Variants in SYT6 observed in about 807,000 individuals in gnomAD.
SYT6 encodes synaptotagmin 6.
A neutral mutation model predicts 38.4 loss-of-function variants in SYT6; 24 were observed. That is an observed-to-expected ratio of 0.62 (90% CI 0.45 to 0.88). SYT6 has a LOEUF of 0.88. Ranked by LOEUF, SYT6 falls within the 40% of genes least tolerant of loss-of-function variation. SYT6 has a pLI of 0.00. For synonymous variants in SYT6, 265 were observed against 241.9 expected (o/e 1.10, Z -0.89); for missense variants, 611 against 621.0 (o/e 0.98, Z 0.17).
At chr1:114,093,997 C>T (rs1050014904) in intron 6 of SYT6, among the ~76,000 whole-genome samples, 194 bp from the exon 7 acceptor site, 1 of 152,174 alleles carries the variant, frequency 6.6e-6, no homozygotes, top group African/African-American at 2.4e-5. Context: ...TCACTGGCTT[C>T]TTCCCTGAGT....
rs1465429739 is a variant in SYT6, at chr1:114,103,594, G to C, written c.1192+7C>G. 2.5e-6 allele frequency: 4 copies of C among 1,614,106 alleles called. No individual in the cohort carries two copies. Among genetic ancestry groups the C allele is most frequent in the Non-Finnish European group, 3.4e-6 (4 of 1,179,998 alleles). On this transcript the variant is annotated splice_region_variant and intron_variant, in intron 4 of 7. Coordinates refer to ENST00000610222, the MANE Select transcript of SYT6 (RefSeq NM_001253772.2). Reference sequence around the variant, plus strand: ...TGCTGGCAGGCCACTTGGGTTAAGAGAGGTACCTGAATAGCCTGTGATGTC... The same window carrying C: ...TGCTGGCAGGCCACTTGGGTTAAGACAGGTACCTGAATAGCCTGTGATGTC...
intron 1 of SYT6, among the ~76,000 whole-genome samples, chr1:114,149,001 G>A (rs1485171114): frequency 6.6e-6 from 1 of 152,110 alleles, no homozygotes; most frequent in Non-Finnish European, 1.5e-5. Flanking sequence ...GTACTCAGGA[G>A]AGGATGGGAG....
At chr1:114,129,457 T>G (rs1329402532) in intron 3 of SYT6, among the ~76,000 whole-genome samples, 1 of 152,086 alleles carries the variant, frequency 6.6e-6, no homozygotes, top group African/African-American at 2.4e-5. Context: ...TCTTTCACTC[T>G]TTCCCCTCCC....
intron 3 of SYT6, among the ~76,000 whole-genome samples, chr1:114,135,369 G>T (rs1195935653): frequency 6.6e-6 from 1 of 152,104 alleles, no homozygotes; most frequent in Non-Finnish European, 1.5e-5. Flanking sequence ...GCTACTGCAT[G>T]GACTTTTCCT....
intron 1 of SYT6, among the ~76,000 whole-genome samples, chr1:114,149,643 T>C (rs1679344454): frequency 6.6e-6 from 1 of 152,076 alleles, no homozygotes; most frequent in Non-Finnish European, 1.5e-5. Context: ...TTAATATTAT[T>C]AGTTTGGTGG....
At chr1:114,098,463 C>T (rs1380765465) in intron 5 of SYT6, among the ~76,000 whole-genome samples, 4 of 152,052 alleles carry the variant, frequency 2.6e-5, no homozygotes, top group African/African-American at 4.8e-5. Flanking sequence ...TGTTTTTGAG[C>T]CAGCCTAGAT....
intron 3 of SYT6, among the ~76,000 whole-genome samples, chr1:114,115,485 C>T (rs1249979592): frequency 1.3e-5 from 2 of 150,886 alleles, no homozygotes; most frequent in South Asian, 2.1e-4. Flanking sequence ...GGTGCGATCT[C>T]GGCTCACTGC....
At chr1:114,143,183 A>G (rs1678961911) in intron 1 of SYT6, among the ~76,000 whole-genome samples, 1 of 148,738 alleles carries the variant, frequency 6.7e-6, no homozygotes, top group Admixed American at 6.7e-5. Flanking sequence ...AATAGACTAC[A>G]GTATATTTTA....
At position 114,153,748 on chromosome 1, in the gene SYT6, C is replaced by G. The variant is rs1017132694; in HGVS notation, c.25G>C (p.Gly9Arg). Residue 9 changes from glycine (G) to arginine (R), a missense_variant, in exon 1 of 8, where the codon GGG becomes CGG. Coordinates refer to ENST00000610222, the MANE Select transcript of SYT6 (RefSeq NM_001253772.2). ...GCGAGCGCCTCCTGGCACCGAGGCCCGCCGGCCCCCCACACTCCGCTCATG... is the reference window on the plus strand; with the variant it reads ...GCGAGCGCCTCCTGGCACCGAGGCCGGCCGGCCCCCCACACTCCGCTCATG... Reference protein sequence around the residue: MSGVWGAGGPRCQEALAVL... With the variant: MSGVWGAGRPRCQEALAVL... 1.5e-6 allele frequency: 1 copy of G among 680,776 alleles called. No homozygotes were observed. Among genetic ancestry groups the G allele is most frequent in the African/African-American group, 1.9e-5 (1 of 53,876 alleles). 42.2% of individuals were successfully genotyped at this position (680,776 alleles called of 1,614,324 possible).
intron 3 of SYT6, among the ~76,000 whole-genome samples, chr1:114,125,147 T>C (rs1021501933): frequency 6.6e-6 from 1 of 152,172 alleles, no homozygotes; most frequent in African/African-American, 2.4e-5. Context: ...AAATATCTCC[T>C]AGGGAAACCC....
intron 3 of SYT6, among the ~76,000 whole-genome samples, chr1:114,132,033 A>G (rs1017251170): frequency 2.6e-5 from 4 of 152,172 alleles, no homozygotes; most frequent in Non-Finnish European, 5.9e-5. Flanking sequence ...TGGCTTTATT[A>G]TTTCTGTTTG....
intron 1 of SYT6, among the ~76,000 whole-genome samples, chr1:114,141,805 T>C (rs1678880057): frequency 6.6e-6 from 1 of 152,214 alleles, no homozygotes; most frequent in Non-Finnish European, 1.5e-5. Flanking sequence ...CAGTGCTTAT[T>C]TACCATTCCA....
At chr1:114,103,382 C>T (rs77306066) in intron 4 of SYT6, among the ~76,000 whole-genome samples, 3,473 of 151,470 alleles carry the variant, frequency 0.023, no homozygotes, top group Non-Finnish European at 0.035. Context: ...CTGAAAGCAA[C>T]CCATGTAAGA....
intron 3 of SYT6, among the ~76,000 whole-genome samples, chr1:114,107,295 C>G (rs1274670901): frequency 6.6e-6 from 1 of 152,196 alleles, no homozygotes; most frequent in East Asian, 1.9e-4. Context: ...AGCAGTGACC[C>G]GCAGACCTCC....
intron 4 of SYT6, among the ~76,000 whole-genome samples, chr1:114,101,293 T>C (rs1274940801): frequency 6.6e-6 from 1 of 152,166 alleles, no homozygotes; most frequent in Non-Finnish European, 1.5e-5. Context: ...CCTAGGCTTT[T>C]CTGGGGCAAA....
At chr1:114,105,555 C>A (rs1379950711) in intron 3 of SYT6, among the ~76,000 whole-genome samples, 2 of 152,056 alleles carry the variant, frequency 1.3e-5, no homozygotes, top group African/African-American at 4.8e-5. Flanking sequence ...TGGAGACAGC[C>A]ACCCCTCCTG....
intron 1 of SYT6, chr1:114,152,968 G>C (rs1337403546): frequency 1.3e-5 from 2 of 152,306 alleles, no homozygotes; most frequent in Non-Finnish European, 2.9e-5. Flanking sequence ...GCGAGAGGGG[G>C]TGGGGGAAGG....
chr1:114,096,229 GGC>G (rs1204913578), intron 6 of SYT6, among the ~76,000 whole-genome samples: 1 of 134,526 alleles, frequency 7.4e-6, no homozygotes, highest in African/African-American at 3.1e-5. Context: ...CTGTATTGTG[GGC>G]TCCTCACCCA....
intron 1 of SYT6, among the ~76,000 whole-genome samples, chr1:114,149,394 C>G (rs1034340326): frequency 2.0e-5 from 3 of 151,858 alleles, no homozygotes; most frequent in African/African-American, 7.3e-5. Flanking sequence ...GCTTCCTTTG[C>G]TTCTTTCAGA....
Sources: allele counts gnomAD v4.1 joint callset (sites outside exome capture counted in the v4.1 genomes callset), GRCh38; gene constraint gnomAD v4.1.1; transcripts MANE v1.5; gene names NCBI Gene and HGNC (gene_info 2026-07-23, HGNC 2026-07-21).